The following SIPA1L3 variants were observed in gnomAD, a reference collection of about 807,000 sequenced individuals.
The protein encoded by SIPA1L3 is signal induced proliferation associated 1 like 3.
In SIPA1L3, 59 loss-of-function variants were observed where a neutral mutation model predicts 150.1. That is an observed-to-expected ratio of 0.39 (90% CI 0.32 to 0.49). The LOEUF (loss-of-function observed/expected upper bound fraction) is 0.49. SIPA1L3 is among the 20% of genes least tolerant of loss of function. SIPA1L3 has a pLI of 0.86. For missense variants in SIPA1L3, 2,211 were observed against 2,489.5 expected, an observed-to-expected ratio of 0.89 and a Z score of 2.38; for synonymous variants, 1,070 against 1,077.6, an observed-to-expected ratio of 0.99 and a Z score of 0.14.
intron 1 of SIPA1L3, among the ~76,000 whole-genome samples, chr19:37,932,961 G>C (rs946079842): frequency 6.6e-6 from 1 of 151,712 alleles, no homozygotes; most frequent in South Asian, 2.1e-4. Context: ...CTTCTGTGCC[G>C]GGGCTGGGGG....
At chr19:38,149,842 T>C (rs922365864) in intron 12 of SIPA1L3, among the ~76,000 whole-genome samples, 1 of 152,214 alleles carries the variant, frequency 6.6e-6, no homozygotes, top group African/African-American at 2.4e-5. Flanking sequence ...CAGTTGGGAT[T>C]CTGTTACCAA....
At chr19:38,019,667 A>C (rs951968021) in intron 1 of SIPA1L3, among the ~76,000 whole-genome samples, 1 of 152,146 alleles carries the variant, frequency 6.6e-6, no homozygotes, top group Non-Finnish European at 1.5e-5. Flanking sequence ...CTGGACCTTC[A>C]AGCCTTAAGT....
At chr19:37,995,104 G>A (rs527948544) in intron 1 of SIPA1L3, among the ~76,000 whole-genome samples, 1 of 152,226 alleles carries the variant, frequency 6.6e-6, no homozygotes, top group South Asian at 2.1e-4. Flanking sequence ...GTGCCTTTCC[G>A]TTTGAAAGAG....
chr19:38,003,983 C>T (rs972042968), intron 1 of SIPA1L3, among the ~76,000 whole-genome samples: 10 of 151,628 alleles, frequency 6.6e-5, no homozygotes, highest in Admixed American at 6.6e-5. Context: ...GAGGAGGGGA[C>T]TTGTTGACCT....
chr19:38,137,780 GT>G (rs1328208406), intron 10 of SIPA1L3, among the ~76,000 whole-genome samples: 2 of 152,056 alleles, frequency 1.3e-5, no homozygotes, highest in Non-Finnish European at 2.9e-5. Flanking sequence ...GCCCAGCTAT[GT>G]TTTTCTCTTT....
intron 9 of SIPA1L3, among the ~76,000 whole-genome samples, chr19:38,130,122 C>G (rs1465909048): frequency 1.3e-5 from 2 of 152,164 alleles, no homozygotes; most frequent in Non-Finnish European, 2.9e-5. Flanking sequence ...GAGGACATGG[C>G]AGTGCCACTC....
chr19:38,150,142 T>G (rs771020053), intron 12 of SIPA1L3, among the ~76,000 whole-genome samples: 10 of 152,170 alleles, frequency 6.6e-5, no homozygotes, highest in Non-Finnish European at 1.3e-4. Context: ...CCTCAGACAT[T>G]GAGAAAAGTA....
intron 15 of SIPA1L3, chr19:38,173,797 C>T (rs1420706193): frequency 6.6e-6 from 1 of 152,434 alleles, no homozygotes; most frequent in African/African-American, 2.4e-5. Context: ...GAGGCCGTCT[C>T]CTGGAACTCA....
intron 1 of SIPA1L3, among the ~76,000 whole-genome samples, chr19:37,940,641 C>T (rs1344016945): frequency 6.6e-6 from 1 of 152,026 alleles, no homozygotes; most frequent in Admixed American, 6.6e-5. Context: ...ATGGCTTCTC[C>T]CTCCCTCCAG....
intron 2 of SIPA1L3, among the ~76,000 whole-genome samples, chr19:38,032,267 G>T (rs1968669534): frequency 6.6e-6 from 1 of 152,066 alleles, no homozygotes. Flanking sequence ...TTTTTCATGT[G>T]ATAAAAGCTC....
chr19:38,106,527 T>A lies in SIPA1L3; in HGVS notation c.2030-10T>A. ...TGGAAACATGGTCCTAACTGGCATT[T>A]CTGTTTCAGCCGACTCCACGGGAAC... On this transcript the variant is annotated splice_polypyrimidine_tract_variant and intron_variant, in intron 6 of 21. Coordinates refer to ENST00000222345, the MANE Select transcript of SIPA1L3 (RefSeq NM_015073.3). 6.3e-7 allele frequency: 1 copy of A among 1,594,870 alleles called. No individual in the cohort carries two copies. Among genetic ancestry groups the A allele is most frequent in the Admixed American group, 1.7e-5 (1 of 59,974 alleles).
intron 12 of SIPA1L3, among the ~76,000 whole-genome samples, chr19:38,152,403 G>A (rs945554820): frequency 2.0e-5 from 3 of 152,200 alleles, no homozygotes; most frequent in Admixed American, 1.3e-4. Context: ...GCCCAACTCA[G>A]GGCCTGCTGC....
rs1967856802 is a variant in SIPA1L3 at position 38,003,322 on chromosome 19, T to G, written c.-378-25767T>G. 1.3e-5 allele frequency among the ~76,000 whole-genome samples: 2 copies of G among 152,158 alleles called. 1 individual carries two copies. The highest frequency in any genetic ancestry group is 4.1e-4 in the South Asian group (2 of 4,832). On this transcript the variant is annotated intron_variant, in intron 1 of 21. Coordinates refer to ENST00000222345, the MANE Select transcript of SIPA1L3 (RefSeq NM_015073.3). ...ATATGGATAAGTACTGTGTTCTGCG[T>G]GCTCTGAAGAAGAATGGGATTTTTC...
intron 12 of SIPA1L3, among the ~76,000 whole-genome samples, chr19:38,142,971 G>A (rs1971626965): frequency 6.6e-6 from 1 of 152,206 alleles, no homozygotes; most frequent in African/African-American, 2.4e-5. Context: ...TCAAGCAAGA[G>A]CATCCACTAT....
At position 38,083,032 on chromosome 19, in the gene SIPA1L3, C is replaced by T; in HGVS notation, c.1467C>T (p.Pro489=). The T allele has an allele frequency of 6.2e-7, 1 of 1,613,174 alleles. No individual in the cohort carries two copies. Among genetic ancestry groups the T allele is most frequent in the South Asian group, 1.1e-5 (1 of 91,084 alleles). ...AGCAGCAGCGGACGCAGAGTCGGCCCCGGCAGTACAGCATCGAGCATGTGG... is the reference window on the plus strand; with the variant it reads ...AGCAGCAGCGGACGCAGAGTCGGCCTCGGCAGTACAGCATCGAGCATGTGG... The part of the protein sequence containing the change: ...PKEQQRTQSR[P]RQYSIEHVDL... Residue 489 remains proline, a synonymous_variant, in exon 3 of 22, where the codon CCC becomes CCT. Transcript: ENST00000222345.
At chr19:38,116,727 G>A (rs1180360082) in intron 8 of SIPA1L3, among the ~76,000 whole-genome samples, 3 of 152,032 alleles carry the variant, frequency 2.0e-5, no homozygotes, top group African/African-American at 7.2e-5. Flanking sequence ...GGTGGTGCAC[G>A]CCTGTAATCC....
At chr19:38,157,609 A>G (rs1039129607) in intron 13 of SIPA1L3, among the ~76,000 whole-genome samples, 2 of 152,146 alleles carry the variant, frequency 1.3e-5, no homozygotes, top group Non-Finnish European at 2.9e-5. Context: ...CCAGGGTTTT[A>G]GCATGCTCTC....
chr19:38,189,311 G>A (rs1281081469), intron 16 of SIPA1L3, among the ~76,000 whole-genome samples: 1 of 151,906 alleles, frequency 6.6e-6, no homozygotes, highest in Non-Finnish European at 1.5e-5. Flanking sequence ...TTTTGTAGAG[G>A]TGAGATCTCA....
intron 13 of SIPA1L3, among the ~76,000 whole-genome samples, chr19:38,157,478 C>T (rs1363785965): frequency 2.0e-5 from 3 of 152,174 alleles, no homozygotes; most frequent in Non-Finnish European, 4.4e-5. Context: ...TCCCAGAACC[C>T]CTCCATAAGC....
Sources: allele counts gnomAD v4.1 joint callset (sites outside exome capture counted in the v4.1 genomes callset), GRCh38; gene constraint gnomAD v4.1.1; transcripts MANE v1.5; gene names NCBI Gene and HGNC (gene_info 2026-07-23, HGNC 2026-07-21).